The following YPEL2 variants were observed in gnomAD, a reference collection of about 807,000 sequenced individuals.
YPEL2 encodes protein yippee-like 2.
In YPEL2, 2 loss-of-function variants were observed where a neutral mutation model predicts 19.1. That is an observed-to-expected ratio of 0.10 (90% CI 0.04 to 0.33). The LOEUF (loss-of-function observed/expected upper bound fraction) is 0.33. Ranked by LOEUF, YPEL2 falls within the 10% of genes least tolerant of loss-of-function variation. The pLI is 1.00. For missense variants in YPEL2, 66 were observed against 140.7 expected (o/e 0.47, Z 2.68); for synonymous variants, 52 against 50.0 (o/e 1.04, Z -0.17).
chr17:59,375,325 T>C (rs184626866), intron 2 of YPEL2, among the ~76,000 whole-genome samples: 1 of 152,364 alleles, frequency 6.6e-6, no homozygotes, highest in East Asian at 1.9e-4. Context: ...CAGTGGCCTG[T>C]AATTACTTAA....
chr17:59,343,287 A>G (rs975888434), intron 1 of YPEL2, among the ~76,000 whole-genome samples: 1 of 151,998 alleles, frequency 6.6e-6, no homozygotes, highest in Non-Finnish European at 1.5e-5. Flanking sequence ...ACTGATGGCC[A>G]TTCATTTTAC....
chr17:59,363,866 C>T (rs150993070), intron 2 of YPEL2, among the ~76,000 whole-genome samples: 4 of 152,248 alleles, frequency 2.6e-5, no homozygotes, highest in African/African-American at 9.6e-5. Flanking sequence ...GTGGCAAATC[C>T]CACCCTTTCT....
intron 2 of YPEL2, among the ~76,000 whole-genome samples, chr17:59,358,066 C>T (rs12601435): frequency 0.091 from 13,810 of 152,200 alleles, 1,153 homozygotes; most frequent in East Asian, 0.44. Flanking sequence ...CTCATTCAAG[C>T]CTCTCTTCAT....
rs1029125266 is a variant in YPEL2 at position 59,352,884 on chromosome 17, G to A, written c.-195-331G>A. ...GCTCAGGAGAGGGGGTCCCTGAGGA[G>A]TCCTCTCCCTGGGGCTGTAGGTGGT... On this transcript the variant is annotated intron_variant, in intron 1 of 4. Coordinates refer to ENST00000312655, the MANE Select transcript of YPEL2 (RefSeq NM_001005404.4). Among the ~76,000 whole-genome samples, 22 of 152,280 alleles carry A rather than the reference G, an allele frequency of 1.4e-4. 2 individuals carry two copies. In the South Asian group the frequency reaches 4.4e-3, roughly 30 times the overall value.
At chr17:59,332,266 C>T (rs979759651) in intron 1 of YPEL2, among the ~76,000 whole-genome samples, 1 of 152,144 alleles carries the variant, frequency 6.6e-6, no homozygotes, top group Non-Finnish European at 1.5e-5. Flanking sequence ...CCGCGTTTCC[C>T]TCGGAGAGTC....
intron 2 of YPEL2, chr17:59,363,195 C>T (rs2047850480): frequency 6.6e-6 from 1 of 152,086 alleles, no homozygotes. Context: ...CGCTATGTTG[C>T]CTAGACTGGT....
At chr17:59,390,655 G>A (rs949689946) in intron 4 of YPEL2, among the ~76,000 whole-genome samples, 2 of 152,204 alleles carry the variant, frequency 1.3e-5, no homozygotes, top group African/African-American at 4.8e-5. Context: ...TTGGGGCCTG[G>A]GGAAAGTGAG....
chr17:59,348,158 T>C (rs2047766298), intron 1 of YPEL2, among the ~76,000 whole-genome samples: 1 of 152,096 alleles, frequency 6.6e-6, no homozygotes, highest in African/African-American at 2.4e-5. Context: ...GCAGAACTGG[T>C]TTGTGTGAGT....
chr17:59,387,778 G>T (rs2047988222), intron 2 of YPEL2, among the ~76,000 whole-genome samples: 1 of 152,228 alleles, frequency 6.6e-6, no homozygotes, highest in Non-Finnish European at 1.5e-5. Flanking sequence ...ATTTAGGATT[G>T]TAAACTGTCA....
At chr17:59,368,091 CT>C (rs561752545) in intron 2 of YPEL2, among the ~76,000 whole-genome samples, 7 of 149,180 alleles carry the variant, frequency 4.7e-5, no homozygotes, top group Non-Finnish European at 9.0e-5. Flanking sequence ...ATGAAATTCT[CT>C]TTTTTTTTTG....
At chr17:59,342,144 G>T (rs2047734990) in intron 1 of YPEL2, among the ~76,000 whole-genome samples, 1 of 152,228 alleles carries the variant, frequency 6.6e-6, no homozygotes, top group South Asian at 2.1e-4. Context: ...AAAGCCAAAG[G>T]CATGCTGACA....
chr17:59,377,270 A>G (rs1056689567), intron 2 of YPEL2, among the ~76,000 whole-genome samples: 3 of 152,188 alleles, frequency 2.0e-5, no homozygotes, highest in African/African-American at 7.2e-5. Flanking sequence ...TATCCTTTTT[A>G]ACTCTAACAG....
chr17:59,333,269 C>T (rs894902975), intron 1 of YPEL2, among the ~76,000 whole-genome samples: 6 of 152,248 alleles, frequency 3.9e-5, no homozygotes, highest in African/African-American at 1.4e-4. Context: ...TTGGCACCAT[C>T]CCCTGTCCCC....
intron 3 of YPEL2, 37 bp downstream of exon 3, chr17:59,388,407 C>T (rs780299243): frequency 3.1e-6 from 5 of 1,603,736 alleles, no homozygotes; most frequent in Middle Eastern, 1.6e-4. Context: ...TTGTGGGGTA[C>T]AGATTCGAGG....
At chr17:59,376,536 C>T (rs1001124145) in intron 2 of YPEL2, among the ~76,000 whole-genome samples, 1 of 152,142 alleles carries the variant, frequency 6.6e-6, no homozygotes, top group Non-Finnish European at 1.5e-5. Context: ...TGACCTTAGG[C>T]ATATTTCCTA....
intron 2 of YPEL2, among the ~76,000 whole-genome samples, chr17:59,364,829 G>A (rs1318147140): frequency 6.6e-6 from 1 of 151,940 alleles, no homozygotes; most frequent in Admixed American, 6.6e-5. Flanking sequence ...ATGGGGTTTC[G>A]CCATGTTGGC....
rs2048061568 is a variant in YPEL2, at chr17:59,399,918, T to TA, written c.*2729dup. 2.6e-5 allele frequency: 4 copies of TA among 151,938 alleles called. No individual in the cohort carries two copies. The South Asian group carries it at 8.4e-4, about 32-fold the overall frequency. 9.4% of individuals were successfully genotyped at this position (151,938 alleles called of 1,614,324 possible). A position where few individuals can be genotyped will look rare whatever the true frequency, so the allele number is the denominator to read the frequency against. ...AAGTTTGGGGGCGGGGTGTTGGGAG[T>TA]AGAGACAGGGTAAGGGGACGTGAGA... is the stretch of plus-strand genomic sequence containing the variant. On this transcript the variant is annotated 3_prime_UTR_variant, in exon 5 of 5. Transcript: ENST00000312655.
At chr17:59,381,342 T>G (rs1444956076) in intron 2 of YPEL2, among the ~76,000 whole-genome samples, 1 of 152,210 alleles carries the variant, frequency 6.6e-6, no homozygotes, top group Non-Finnish European at 1.5e-5. Context: ...CTGAGGCACA[T>G]GCTTGGTAGC....
chr17:59,379,942 C>T (rs750559894), intron 2 of YPEL2, among the ~76,000 whole-genome samples: 1 of 151,184 alleles, frequency 6.6e-6, no homozygotes, highest in Non-Finnish European at 1.5e-5. Flanking sequence ...CTTACTGTAA[C>T]CTCTACCTCC....
Sources: gnomAD v4.1 joint callset for allele counts (sites outside exome capture counted in the v4.1 genomes callset) on GRCh38, gnomAD v4.1.1 for gene constraint, MANE v1.5 for transcripts, NCBI Gene and HGNC (gene_info 2026-07-23, HGNC 2026-07-21) for gene names.